Variants in CTNNBIP1 observed in about 807,000 individuals in gnomAD.
CTNNBIP1 encodes the protein beta-catenin-interacting protein 1.
A neutral mutation model predicts 11.8 loss-of-function variants in CTNNBIP1; 7 were observed. The observed-to-expected ratio is 0.60, with a 90% confidence interval of 0.34 to 1.12. CTNNBIP1 has a LOEUF of 1.12. Ranked by LOEUF, CTNNBIP1 falls within the 50% of genes most tolerant of loss-of-function variation. The pLI is 0.03. For synonymous variants in CTNNBIP1, 58 were observed against 43.9 expected, an observed-to-expected ratio of 1.32 and a Z score of -1.26; for missense variants, 101 against 113.4, an observed-to-expected ratio of 0.89 and a Z score of 0.50.
At chr1:9,874,260 AC>A (rs1638920425) in intron 3 of CTNNBIP1, among the ~76,000 whole-genome samples, 1 of 151,984 alleles carries the variant, frequency 6.6e-6, no homozygotes, top group Non-Finnish European at 1.5e-5. Context: ...GTGTAAAGGC[AC>A]CTTCCTAGGG....
intron 2 of CTNNBIP1, among the ~76,000 whole-genome samples, chr1:9,879,196 CAA>C (rs35308314): frequency 4.1e-5 from 6 of 146,806 alleles, no homozygotes; most frequent in African/African-American, 1.5e-4. Flanking sequence ...GACTCCATCT[CAA>C]AAAAAAAAAT....
chr1:9,868,586 G>C (rs1436456527), intron 5 of CTNNBIP1, among the ~76,000 whole-genome samples: 1 of 152,190 alleles, frequency 6.6e-6, no homozygotes, highest in Non-Finnish European at 1.5e-5. Context: ...GTGTGACTTG[G>C]AAAGTTAAAG....
intron 3 of CTNNBIP1, among the ~76,000 whole-genome samples, chr1:9,876,011 T>G (rs1638961588): frequency 6.6e-6 from 1 of 152,232 alleles, no homozygotes; most frequent in Admixed American, 6.5e-5. Flanking sequence ...CTATTATATT[T>G]TTATCACAAT....
chr1:9,897,895 C>T (rs1432670099), intron 1 of CTNNBIP1, among the ~76,000 whole-genome samples: 6 of 151,872 alleles, frequency 4.0e-5, no homozygotes, highest in Admixed American at 2.0e-4. Context: ...CCGAGGTGGG[C>T]GGATCACAGG....
intron 1 of CTNNBIP1, among the ~76,000 whole-genome samples, chr1:9,888,320 G>A (rs1639227690): frequency 6.6e-6 from 1 of 151,920 alleles, no homozygotes; most frequent in African/African-American, 2.4e-5. Flanking sequence ...GGTGGCTCAT[G>A]CCTGTAATCC....
At chr1:9,887,876 G>A (rs1292781224) in intron 1 of CTNNBIP1, among the ~76,000 whole-genome samples, 1 of 151,778 alleles carries the variant, frequency 6.6e-6, no homozygotes, top group East Asian at 2.0e-4. Flanking sequence ...CCAGGCTGGA[G>A]TGCAGTGGTG....
chr1:9,886,677 C>T lies in CTNNBIP1; in HGVS notation c.-143-2939G>A, dbSNP rs537196110. 1.2e-4 allele frequency among the ~76,000 whole-genome samples: 19 copies of T among 152,334 alleles called. No homozygotes were observed. The South Asian group carries it at 2.9e-3, about 23-fold the overall frequency. On this transcript the variant is annotated intron_variant, in intron 1 of 5. Transcript: ENST00000377263. Reference sequence around the variant, plus strand: ...AACCCAGATTGTTCAAGGTCTCAACCGCTCTGCCCTGTTGCTCTCCAGTAT... The same window carrying T: ...AACCCAGATTGTTCAAGGTCTCAACTGCTCTGCCCTGTTGCTCTCCAGTAT...
intron 5 of CTNNBIP1, among the ~76,000 whole-genome samples, chr1:9,863,553 G>A (rs1638676052): frequency 6.6e-6 from 1 of 152,202 alleles, no homozygotes; most frequent in South Asian, 2.1e-4. Context: ...AGCTGCTCCA[G>A]CAGCCTGGCC....
chr1:9,894,303 G>A (rs1229372082), intron 1 of CTNNBIP1, among the ~76,000 whole-genome samples: 1 of 152,194 alleles, frequency 6.6e-6, no homozygotes, highest in East Asian at 1.9e-4. Flanking sequence ...GATCTCCTAA[G>A]GCCATTCTCC....
intron 3 of CTNNBIP1, among the ~76,000 whole-genome samples, chr1:9,873,007 C>T (rs1638897658): frequency 6.6e-6 from 1 of 152,138 alleles, no homozygotes; most frequent in South Asian, 2.1e-4. Flanking sequence ...AGGCCAAGAA[C>T]ACTCCTCACA....
At chr1:9,853,193 T>C (rs981418021) in intron 5 of CTNNBIP1, among the ~76,000 whole-genome samples, 1 of 152,200 alleles carries the variant, frequency 6.6e-6, no homozygotes, top group African/African-American at 2.4e-5. Flanking sequence ...GTCTGTGCTC[T>C]CTTCTGTTCC....
intron 5 of CTNNBIP1, among the ~76,000 whole-genome samples, chr1:9,857,151 C>T (rs1460574900): frequency 6.7e-6 from 1 of 149,684 alleles, no homozygotes; most frequent in East Asian, 2.0e-4. Flanking sequence ...ACAAAAAAAA[C>T]CCTCAATAAT....
intron 5 of CTNNBIP1, among the ~76,000 whole-genome samples, chr1:9,863,772 A>G (rs932495715): frequency 2.0e-5 from 3 of 152,204 alleles, no homozygotes; most frequent in Admixed American, 2.0e-4. Context: ...GAAAGAACAG[A>G]GGCTGGAAGG....
At chr1:9,879,856 A>G (rs1005697784) in intron 2 of CTNNBIP1, among the ~76,000 whole-genome samples, 1 of 152,248 alleles carries the variant, frequency 6.6e-6, no homozygotes, top group South Asian at 2.1e-4. Context: ...GAAGGGGTCA[A>G]AGGATAGGGA....
chr1:9,852,510 C>T (rs547298660), intron 5 of CTNNBIP1, among the ~76,000 whole-genome samples: 3 of 152,294 alleles, frequency 2.0e-5, no homozygotes, highest in Admixed American at 6.5e-5. Flanking sequence ...GAATCCTTCC[C>T]GTCTTCTCAG....
rs1639705437 is a variant in CTNNBIP1, at chr1:9,910,091, T to C, written c.-144+4A>G. 6.8e-6 allele frequency: 1 copy of C among 146,004 alleles called. No individual in the cohort carries two copies. 9.0% of individuals were successfully genotyped at this position (146,004 alleles called of 1,614,324 possible). On this transcript the variant is annotated splice_donor_region_variant and intron_variant, in intron 1 of 5. Coordinates refer to ENST00000377263, the MANE Select transcript of CTNNBIP1 (RefSeq NM_020248.3). ...TGCAGGCGCGGCCCGGCCTCGGCGCTTACCTGGGCCGCCCGACCCGGCCGG... is the reference window on the plus strand; with the variant it reads ...TGCAGGCGCGGCCCGGCCTCGGCGCCTACCTGGGCCGCCCGACCCGGCCGG...
chr1:9,874,428 A>AT (rs1638923988), intron 3 of CTNNBIP1, among the ~76,000 whole-genome samples: 1 of 151,932 alleles, frequency 6.6e-6, no homozygotes, highest in Non-Finnish European at 1.5e-5. Flanking sequence ...CCACTTTTAA[A>AT]TTTTTTTGTA....
chr1:9,854,920 G>A (rs1638470839), intron 5 of CTNNBIP1, among the ~76,000 whole-genome samples: 2 of 152,048 alleles, frequency 1.3e-5, no homozygotes, highest in African/African-American at 4.8e-5. Context: ...CAAGTGATCT[G>A]CCCACCTTGG....
chr1:9,875,561 C>A (rs1638951153), intron 3 of CTNNBIP1, among the ~76,000 whole-genome samples: 1 of 152,250 alleles, frequency 6.6e-6, no homozygotes, highest in Non-Finnish European at 1.5e-5. Flanking sequence ...AGCTGTGGGC[C>A]TGCGGTGTCG....
Sources: gnomAD v4.1 joint callset for allele counts (sites outside exome capture counted in the v4.1 genomes callset) on GRCh38, gnomAD v4.1.1 for gene constraint, MANE v1.5 for transcripts, NCBI Gene and HGNC (gene_info 2026-07-23, HGNC 2026-07-21) for gene names.